CENPF: variants seen among roughly 807,000 people sequenced by gnomAD.
CENPF encodes the protein AH antigen.
In CENPF, 214 loss-of-function variants were observed where a neutral mutation model predicts 307.3. That is an observed-to-expected ratio of 0.70 (90% CI 0.62 to 0.78). CENPF has a LOEUF of 0.78. CENPF is among the 30% of genes least tolerant of loss of function. The probability of loss-of-function intolerance (pLI) is 0.00; values close to 1 mark genes in which losing one functional copy is unlikely to be tolerated. For synonymous variants in CENPF, 1,259 were observed against 1,270.6 expected, an observed-to-expected ratio of 0.99 and a Z score of 0.19; for missense variants, 3,401 against 3,483.9, an observed-to-expected ratio of 0.98 and a Z score of 0.60.
chr1:214,657,106 C>A lies in CENPF; in HGVS notation c.8659C>A (p.His2887Asn), dbSNP rs748248949. The A allele has an allele frequency of 1.9e-5, 30 of 1,614,034 alleles. No individual in the cohort carries two copies. Among genetic ancestry groups the A allele is most frequent in the Admixed American group, 5.0e-5 (3 of 60,002 alleles). The change falls in exon 18 of 20, where the codon CAT (histidine) becomes AAT (asparagine). Residue 2887 changes from histidine (H) to asparagine (N), a missense_variant. His to Asn is a moderately conservative substitution (Grantham distance 68). Coordinates refer to ENST00000366955, the MANE Select transcript of CENPF (RefSeq NM_016343.4). ...AKEMLETQVA[H>N]LCSQQSKQDS... is the part of the protein sequence containing the mutation. ...AGAGATGTTAGAGACACAAGTGGCC[C>A]ATCTGTGTTCACAGCAATCTAAACA...
intron 7 of CENPF, among the ~76,000 whole-genome samples, chr1:214,626,777 A>G (rs990269093): frequency 1.3e-5 from 2 of 152,220 alleles, no homozygotes; most frequent in African/African-American, 4.8e-5. Context: ...TTCCTGGCAC[A>G]TGGTGAACTT....
At chr1:214,614,784 A>G (rs769014720) in intron 2 of CENPF, 48 bp from the exon 3 acceptor site, 1 of 1,314,236 alleles carries the variant, frequency 7.6e-7, no homozygotes, top group South Asian at 1.6e-5. Context: ...AATACTTGGT[A>G]AATTCACAAA....
intron 10 of CENPF, among the ~76,000 whole-genome samples, chr1:214,636,076 T>C (rs980431377): frequency 6.6e-6 from 1 of 152,196 alleles, no homozygotes; most frequent in Non-Finnish European, 1.5e-5. Context: ...TAGTTCCTCT[T>C]CTATGTTGAC....
chr1:214,637,196 GCA>G (rs1397817032), intron 10 of CENPF, among the ~76,000 whole-genome samples: 2 of 152,154 alleles, frequency 1.3e-5, no homozygotes, highest in Non-Finnish European at 2.9e-5. Flanking sequence ...ATTTCCCATA[GCA>G]CACTCAATGT....
At chr1:214,629,673 T>C (rs1657751305) in intron 8 of CENPF, among the ~76,000 whole-genome samples, 1 of 152,130 alleles carries the variant, frequency 6.6e-6, no homozygotes, top group African/African-American at 2.4e-5. Flanking sequence ...TGCCTCAGCC[T>C]CCCGAGGAGC....
intron 8 of CENPF, among the ~76,000 whole-genome samples, chr1:214,629,612 C>A (rs763951336): frequency 6.6e-6 from 1 of 151,892 alleles, no homozygotes; most frequent in Admixed American, 6.6e-5. Context: ...AGTGCAATGG[C>A]ACAATCTTGG....
intron 3 of CENPF, among the ~76,000 whole-genome samples, chr1:214,617,504 G>T (rs1179343542): frequency 6.6e-6 from 1 of 152,112 alleles, no homozygotes; most frequent in Non-Finnish European, 1.5e-5. Context: ...TTTAATGTGG[G>T]TTTTTTGGTT....
chr1:214,608,579 C>T, intron 1 of CENPF: 2 of 1,610,044 alleles, frequency 1.2e-6, no homozygotes, highest in Non-Finnish European at 1.7e-6. Flanking sequence ...GTGGGGAAGA[C>T]CTCAATGGTG....
intron 14 of CENPF, 150 bp from the exon 15 acceptor site, chr1:214,651,560 C>A: frequency 2.0e-6 from 1 of 493,986 alleles, no homozygotes; most frequent in Non-Finnish European, 3.4e-6. Context: ...AAAGTGAATA[C>A]ATTGCTAAGG....
intron 19 of CENPF, 83 bp from the exon 20 acceptor site, chr1:214,663,508 A>C: frequency 7.4e-7 from 1 of 1,349,306 alleles, no homozygotes; most frequent in Admixed American, 2.0e-5. Flanking sequence ...CTTAATTTAA[A>C]ACTTAGTGAC....
intron 1 of CENPF, chr1:214,608,362 C>G: frequency 6.2e-7 from 1 of 1,612,332 alleles, no homozygotes; most frequent in Non-Finnish European, 8.5e-7. Context: ...ATAGAGGTTC[C>G]TCTCGGAAGG....
chr1:214,605,914 G>C, intron 1 of CENPF: 13 of 1,597,424 alleles, frequency 8.1e-6, no homozygotes, highest in Non-Finnish European at 1.1e-5. Context: ...GGAAGGCGTC[G>C]AAGCAGTAGG....
At position 214,605,455 on chromosome 1, in the gene CENPF, T is replaced by C. The variant is rs140355597; in HGVS notation, c.-42+2134T>C. ...GAATCCGCTTTGTTTTTTTTTTTTT[T>C]TAAATTTTAAATCTTTAATTTCTGT... On this transcript the variant is annotated intron_variant, in intron 1 of 19. Transcript: ENST00000366955. 863 of 524,522 alleles carry C rather than the reference T, an allele frequency of 1.6e-3. 7 individuals carry two copies. Among genetic ancestry groups the C allele is most frequent in the African/African-American group, 0.015 (791 of 52,412 alleles). 32.5% of individuals were successfully genotyped at this position (524,522 alleles called of 1,614,324 possible).
At chr1:214,614,806 A>G in intron 2 of CENPF, 26 bp from the exon 3 acceptor site, 1 of 1,467,698 alleles carries the variant, frequency 6.8e-7, no homozygotes, top group South Asian at 1.4e-5. Context: ...TAAGGGAGTT[A>G]TTGTCTTCTG....
intron 7 of CENPF, among the ~76,000 whole-genome samples, chr1:214,627,642 C>T (rs1004993995): frequency 1.1e-4 from 16 of 152,004 alleles, no homozygotes; most frequent in African/African-American, 3.6e-4. Flanking sequence ...TCCCAAAGTG[C>T]TGGGATTACA....
At chr1:214,655,174 A>T in intron 16 of CENPF, 67 bp from the exon 17 acceptor site, 1 of 977,308 alleles carries the variant, frequency 1.0e-6, no homozygotes, top group Non-Finnish European at 1.5e-6. Context: ...TATATCTTAT[A>T]ATTATTTTTC....
In CENPF at chr1:214,631,408, A is replaced by C. The variant is rs556193204; in HGVS notation, c.1323+746A>C. Among the ~76,000 whole-genome samples, 3 of 152,298 alleles carry C rather than the reference A, an allele frequency of 2.0e-5. No individual in the cohort carries two copies. In the East Asian group the frequency reaches 5.8e-4, roughly 29 times the overall value. The stretch of plus-strand genomic sequence containing the variant: ...CAGGTATCTTTGTGTATGTGTGCTG[A>C]TGTTTCTATAGGTCAGATTTCTGCA... On this transcript the variant is annotated intron_variant, in intron 9 of 19. Coordinates refer to ENST00000366955, the MANE Select transcript of CENPF (RefSeq NM_016343.4).
intron 1 of CENPF, chr1:214,606,105 CGCG>C (rs1657021878): frequency 6.3e-7 from 1 of 1,578,330 alleles, no homozygotes; most frequent in Non-Finnish European, 8.5e-7. Flanking sequence ...CAGGGTCAGC[CGCG>C]GCCTCCGACG....
intron 19 of CENPF, among the ~76,000 whole-genome samples, chr1:214,660,922 G>A (rs1342933641): frequency 2.0e-5 from 3 of 152,206 alleles, no homozygotes; most frequent in Admixed American, 1.3e-4. Flanking sequence ...GAATGGAACT[G>A]TGAATGTCCT....
Sources: allele counts gnomAD v4.1 joint callset (sites outside exome capture counted in the v4.1 genomes callset), GRCh38; gene constraint gnomAD v4.1.1; transcripts MANE v1.5; gene names NCBI Gene and HGNC (gene_info 2026-07-23, HGNC 2026-07-21).